PUDP: variants seen among roughly 807,000 people sequenced by gnomAD.
PUDP encodes pseudouridine 5'-phosphatase, also known as pseudouridine-5'-phosphatase.
PUDP carries 8 observed loss-of-function variants against 9.4 expected under a neutral mutation model. The ratio of observed to expected loss-of-function variants is 0.85; its 90% CI spans 0.50 to 1.53. The LOEUF (loss-of-function observed/expected upper bound fraction) is 1.53. Ranked by LOEUF, PUDP falls within the 40% of genes most tolerant of loss-of-function variation. The pLI is 0.00. For synonymous variants in PUDP, 99 were observed against 80.7 expected (o/e 1.23, Z -1.22); for missense variants, 188 against 189.7 (o/e 0.99, Z 0.05).
chrX:6,834,745 C>G (rs1926556143), intron 3 of PUDP, among the ~76,000 whole-genome samples: 2 of 111,385 alleles, frequency 1.8e-5, no homozygotes, highest in Admixed American at 1.9e-4. Flanking sequence ...AATCAATGAG[C>G]TAGCATCTGC....
chrX:7,083,291 C>T (rs1931160684), intron 2 of PUDP, among the ~76,000 whole-genome samples: 1 of 111,875 alleles, frequency 8.9e-6, no homozygotes, highest in Admixed American at 9.5e-5. Context: ...TGGAAGAAGA[C>T]TCAAACAGGC....
At chrX:6,827,287 C>T (rs922933163) in intron 3 of PUDP, among the ~76,000 whole-genome samples, 16 of 111,540 alleles carry the variant, frequency 1.4e-4, no homozygotes, top group Non-Finnish European at 3.0e-4. Context: ...GGACAAAATG[C>T]AAAAACAAAG....
chrX:6,858,119 T>TA (rs1926935378), intron 3 of PUDP, among the ~76,000 whole-genome samples: 1 of 110,613 alleles, frequency 9.0e-6, no homozygotes, highest in Admixed American at 9.7e-5. Context: ...AGAACATGGC[T>TA]AATACTTAAT....
At chrX:6,728,769 T>A (rs1924774091) in intron 3 of PUDP, among the ~76,000 whole-genome samples, 1 of 111,869 alleles carries the variant, frequency 8.9e-6, no homozygotes, top group African/African-American at 3.3e-5. Flanking sequence ...CACCCATTAC[T>A]TTTAGTAAAC....
chrX:7,043,508 C>G (rs1929948976), intron 1 of PUDP, among the ~76,000 whole-genome samples: 1 of 112,064 alleles, frequency 8.9e-6, no homozygotes, highest in South Asian at 3.8e-4. Flanking sequence ...GCCTGCAGAA[C>G]TGTGAGCCAA....
intron 3 of PUDP, among the ~76,000 whole-genome samples, chrX:6,825,003 T>A (rs1043853014): frequency 9.0e-6 from 1 of 111,691 alleles, no homozygotes; most frequent in South Asian, 3.8e-4. Flanking sequence ...AACTTAAATT[T>A]ACGTTGTTTA....
chrX:7,070,446 G>A (rs755512252), intron 3 of PUDP, among the ~76,000 whole-genome samples: 38 of 111,195 alleles, frequency 3.4e-4, no homozygotes, highest in African/African-American at 1.1e-3. Context: ...GGCAGGTGAC[G>A]GTCCTCACCC....
At chrX:6,723,273 A>T (rs1247465594), upstream of PUDP, among the ~76,000 whole-genome samples, 3 of 34,960 alleles carry the variant, frequency 8.6e-5, no homozygotes, top group South Asian at 1.5e-3. Context: ...AAAAACAATA[A>T]AAAAAAAAAA....
At chrX:6,707,315 T>C (rs755639750) in intron 1 of PUDP, among the ~76,000 whole-genome samples, 66 of 111,864 alleles carry the variant, frequency 5.9e-4, no homozygotes, top group Admixed American at 5.8e-3. Flanking sequence ...GAGACTGGTT[T>C]TGTGGAAGAC....
intron 1 of PUDP, among the ~76,000 whole-genome samples, chrX:7,145,704 T>C (rs1479873465): frequency 9.0e-6 from 1 of 110,714 alleles, no homozygotes; most frequent in Non-Finnish European, 1.9e-5. Flanking sequence ...AAATCTCCAT[T>C]TACTTCCTCA....
upstream of PUDP, among the ~76,000 whole-genome samples, chrX:6,723,468 A>G (rs183435260): frequency 0.08 from 8,355 of 104,430 alleles, 375 homozygotes; most frequent in African/African-American, 0.13. Context: ...AAGAGAAGAA[A>G]AAAACAAGTG....
At chrX:6,821,339 G>C (rs1016443433) in intron 3 of PUDP, among the ~76,000 whole-genome samples, 2 of 111,535 alleles carry the variant, frequency 1.8e-5, no homozygotes, top group African/African-American at 6.5e-5. Context: ...ATCTGATGAA[G>C]GTAGGGTAAG....
chrX:6,944,877 G>T (rs954687933), intron 3 of PUDP, among the ~76,000 whole-genome samples: 48 of 111,251 alleles, frequency 4.3e-4, no homozygotes, highest in Non-Finnish European at 6.2e-4. Context: ...CCTTTCTGCT[G>T]ATCCCAAATT....
chrX:7,117,999 T>C lies in PUDP; in HGVS notation c.62-12161A>G, dbSNP rs767742558. Among the ~76,000 whole-genome samples, 7 of 113,309 alleles carry C rather than the reference T, an allele frequency of 6.2e-5. No homozygotes were observed. The Admixed American group carries it at 6.5e-4, about 10-fold the overall frequency. On this transcript the variant is annotated intron_variant, in intron 1 of 3. Transcript: ENST00000381077. ...GCTTTCTGTATAGCCTACAGAATTG[T>C]GAGCCATTTAAACCCATTTTCTTAC...
At chrX:7,074,662 C>G (rs1446268149) in intron 3 of PUDP, among the ~76,000 whole-genome samples, 5 of 112,228 alleles carry the variant, frequency 4.5e-5, no homozygotes, top group African/African-American at 1.6e-4. Context: ...ACAACAACAA[C>G]AAAAATGGTG....
At chrX:7,038,581 T>C (rs898267119) in intron 1 of PUDP, among the ~76,000 whole-genome samples, 2 of 111,383 alleles carry the variant, frequency 1.8e-5, no homozygotes, top group African/African-American at 3.3e-5. Flanking sequence ...AACTAAAAGG[T>C]TTAAAAAGAA....
At position 6,975,607 on chromosome X, in the gene PUDP, G is replaced by A. The variant is rs372174744; in HGVS notation, c.*247+1526C>T. ...GAAGCTTCATCCCAGAGGGGCACCC[G>A]CCAGATGCCAGCCAGAGCTCTCCTG... On this transcript the variant is annotated intron_variant and NMD_transcript_variant, in intron 3 of 3. Coordinates refer to the PUDP transcript ENST00000655425. Among the ~76,000 whole-genome samples, 18 of 111,189 alleles carry A rather than the reference G, an allele frequency of 1.6e-4. No homozygotes were observed. In the East Asian group the frequency reaches 2.0e-3, roughly 12 times the overall value.
intron 3 of PUDP, among the ~76,000 whole-genome samples, chrX:6,806,508 T>G (rs1926052446): frequency 9.0e-6 from 1 of 111,428 alleles, no homozygotes; most frequent in African/African-American, 3.3e-5. Flanking sequence ...TTTTTATTTT[T>G]TGTAGAGACA....
chrX:7,000,587 T>A (rs1167827152), intron 1 of PUDP, among the ~76,000 whole-genome samples: 2 of 108,619 alleles, frequency 1.8e-5, no homozygotes, highest in African/African-American at 3.3e-5. Context: ...AATACATTTA[T>A]AAAATATAAA....
Sources: allele counts gnomAD v4.1 joint callset (sites outside exome capture counted in the v4.1 genomes callset), GRCh38; gene constraint gnomAD v4.1.1; transcripts MANE v1.5; gene names NCBI Gene and HGNC (gene_info 2026-07-23, HGNC 2026-07-21).